Variants in SEC61A1 observed in about 807,000 individuals in gnomAD.
SEC61A1 encodes the protein protein transport protein Sec61 subunit alpha isoform 1.
A neutral mutation model predicts 55.2 loss-of-function variants in SEC61A1; 15 were observed. The ratio of observed to expected loss-of-function variants is 0.27; its 90% confidence interval spans 0.18 to 0.42. SEC61A1 has a LOEUF of 0.42. SEC61A1 is among the 10% of genes least tolerant of loss of function. The pLI, the probability that SEC61A1 is intolerant of heterozygous loss-of-function variation, is 1.00. For missense variants in SEC61A1, 284 were observed against 602.6 expected, an observed-to-expected ratio of 0.47 and a Z score of 5.53; for synonymous variants, 247 against 234.0, an observed-to-expected ratio of 1.06 and a Z score of -0.51.
Position 128,069,911 on chromosome 3 carries a change from T to C in SEC61A1, c.*249T>C. 2.1e-6 allele frequency: 1 copy of C among 471,842 alleles called. No homozygotes were observed. The highest frequency in any genetic ancestry group is 3.8e-6 in the Non-Finnish European group (1 of 264,336). The allele number at this position is 471,842 out of a possible 1,614,324, so 29.2% of individuals were successfully genotyped here. A position where few individuals can be genotyped will look rare whatever the true frequency, so the allele number is the denominator to read the frequency against. ...GACTGCCAGAGAAGTGGGAATGGTA[T>C]AGGATTGTCCCCAAGTGTCCATGTA... On this transcript the variant is annotated 3_prime_UTR_variant, in exon 12 of 12. Transcript: ENST00000243253.
rs1016288181 is a variant in SEC61A1 at position 128,070,928 on chromosome 3, A to G, written c.*1266A>G. ...GCAAGGGCAGCAGAGTTGGGTGCTAAGATCCTGAGGAGCTCGAGGTTTCGA... is the reference window on the plus strand; with the variant it reads ...GCAAGGGCAGCAGAGTTGGGTGCTAGGATCCTGAGGAGCTCGAGGTTTCGA... On this transcript the variant is annotated 3_prime_UTR_variant, in exon 12 of 12. Transcript: ENST00000243253. 2.0e-5 allele frequency: 3 copies of G among 152,294 alleles called. No homozygotes were observed. The highest frequency in any genetic ancestry group is 7.2e-5 in the African/African-American group (3 of 41,466). 9.4% of individuals were successfully genotyped at this position (152,294 alleles called of 1,614,324 possible).
chr3:128,069,677 C>T lies in SEC61A1; in HGVS notation c.*15C>T, dbSNP rs896141039. The T allele has an allele frequency of 5.0e-6, 8 of 1,612,856 alleles. No individual in the cohort carries two copies. Among genetic ancestry groups the T allele is most frequent in the Non-Finnish European group, 5.9e-6 (7 of 1,179,178 alleles). On this transcript the variant is annotated 3_prime_UTR_variant, in exon 12 of 12. Coordinates refer to ENST00000243253, the MANE Select transcript of SEC61A1 (RefSeq NM_013336.4). ...TGCTCTTCTGAGCCCGTCTCCCGGA[C>T]AGGTTGAGGAAGCTGCTCCAGAAGC... is the stretch of plus-strand genomic sequence containing the variant.
In SEC61A1 at chr3:128,052,469, G is replaced by A; in HGVS notation, c.-84G>A. 1 of 1,535,782 alleles carries A rather than the reference G, an allele frequency of 6.5e-7. No individual in the cohort carries two copies. The highest frequency in any genetic ancestry group is 1.2e-5 in the South Asian group (1 of 81,420). On this transcript the variant is annotated 5_prime_UTR_variant, in exon 1 of 12. Transcript: ENST00000243253. The stretch of plus-strand genomic sequence containing the variant: ...CTCTCGGCGGAGCTGCTGTGCAGTG[G>A]AACGCGCTGGGCCGCGGGCAGCGTC...
At chr3:128,057,200 G>A (rs1371486197) in intron 5 of SEC61A1, among the ~76,000 whole-genome samples, 1 of 152,220 alleles carries the variant, frequency 6.6e-6, no homozygotes, top group Admixed American at 6.5e-5. Context: ...CCAAAGTGCT[G>A]GGATTATAGG....
upstream of SEC61A1, chr3:128,051,959 T>C (rs1192528132): frequency 7.0e-7 from 1 of 1,425,550 alleles, no homozygotes; most frequent in South Asian, 1.2e-5. Flanking sequence ...GACGGAGACC[T>C]ACTAGGTGAC....
chr3:128,060,664 A>C lies in SEC61A1; in HGVS notation c.616+3A>C. 2.5e-6 allele frequency: 4 copies of C among 1,613,534 alleles called. No individual in the cohort carries two copies. Among genetic ancestry groups the C allele is most frequent in the Non-Finnish European group, 2.5e-6 (3 of 1,179,576 alleles). ...CACTACTGTCAACACTGGCCGAGGT[A>C]AGGGCCCTGTGCTCCCCTGGTGGCG... On this transcript the variant is annotated splice_donor_region_variant and intron_variant, in intron 7 of 11. Transcript: ENST00000243253.
At chr3:128,060,379 C>A in intron 6 of SEC61A1, 129 bp from the exon 7 acceptor site, 1 of 1,138,532 alleles carries the variant, frequency 8.8e-7, no homozygotes, top group South Asian at 1.5e-5. Context: ...TTACTGACCG[C>A]TCTCTGGGGC....
chr3:128,061,256 A>ATT (rs774060040), intron 7 of SEC61A1, among the ~76,000 whole-genome samples: 1 of 152,212 alleles, frequency 6.6e-6, no homozygotes, highest in Non-Finnish European at 1.5e-5. Flanking sequence ...GCAACATGAA[A>ATT]TTACATGATG....
chr3:128,055,639 A>T (rs780836752), intron 3 of SEC61A1, 34 bp from the exon 4 acceptor site: 1 of 1,605,774 alleles, frequency 6.2e-7, no homozygotes, highest in African/African-American at 1.3e-5. Context: ...TGGAAACAGG[A>T]GTGCTGACTG....
intron 7 of SEC61A1, 26 bp from the exon 8 acceptor site, chr3:128,064,851 A>T (rs1162256856): frequency 2.6e-6 from 4 of 1,561,448 alleles, no homozygotes; most frequent in Non-Finnish European, 3.5e-6. Context: ...TCGTTCCTTC[A>T]TATATGTCTC....
chr3:128,060,718 T>C, intron 7 of SEC61A1, 57 bp downstream of exon 7: 3 of 1,534,376 alleles, frequency 2.0e-6, no homozygotes, highest in East Asian at 4.6e-5. Context: ...AATTGAGCAA[T>C]GCAAAGCAGA....
intron 4 of SEC61A1, among the ~76,000 whole-genome samples, chr3:128,056,273 TG>T (rs34247213): frequency 2.6e-5 from 4 of 152,222 alleles, no homozygotes; most frequent in African/African-American, 9.6e-5. Flanking sequence ...CCAAATCAGT[TG>T]GAAGTGTAGC....
At chr3:128,052,969 A>G in intron 2 of SEC61A1, 67 bp downstream of exon 2, 14 of 1,230,434 alleles carry the variant, frequency 1.1e-5, no homozygotes, top group Admixed American at 1.0e-4. Context: ...AGTTTACAGT[A>G]TGATTAAAAA....
chr3:128,059,522 G>A (rs1366224177), intron 5 of SEC61A1, among the ~76,000 whole-genome samples: 1 of 152,060 alleles, frequency 6.6e-6, no homozygotes, highest in East Asian at 1.9e-4. Context: ...GGTACCTAAG[G>A]GAATGGGAAG....
upstream of SEC61A1, chr3:128,052,011 G>T: frequency 1.1e-6 from 1 of 905,996 alleles, no homozygotes; most frequent in South Asian, 1.4e-5. Context: ...CTGCTCCAGG[G>T]AGCTTACGGT....
At chr3:128,055,892 A>T in intron 4 of SEC61A1, 141 bp downstream of exon 4, 1 of 689,558 alleles carries the variant, frequency 1.5e-6, no homozygotes, top group East Asian at 2.6e-5. Flanking sequence ...TGCTGTGTTG[A>T]ATAGCCTTAT....
intron 8 of SEC61A1, among the ~76,000 whole-genome samples, chr3:128,065,743 T>TTTTC (rs1292928610): frequency 2.1e-5 from 3 of 140,762 alleles, no homozygotes; most frequent in Non-Finnish European, 4.6e-5. Flanking sequence ...TTTTTTTTTT[T>TTTTC]TTTTTTTTTT....
At position 128,069,453 on chromosome 3, in the gene SEC61A1, G is replaced by A. The variant is rs765508683; in HGVS notation, c.1245-23G>A. The A allele has an allele frequency of 1.0e-5, 16 of 1,603,260 alleles. No homozygotes were observed. The South Asian group carries it at 1.7e-4, about 17-fold the overall frequency. ...CGGGGAGCTCTGTGGGTGTCCAGGA[G>A]CTGACTGTGTCCCCTCCCCCAGGTA... On this transcript the variant is annotated intron_variant, in intron 11 of 11. Transcript: ENST00000243253.
At position 128,067,133 on chromosome 3, in the gene SEC61A1, C is replaced by T; in HGVS notation, c.957C>T (p.Ser319=). 6.2e-7 allele frequency: 1 copy of T among 1,614,240 alleles called. No homozygotes were observed. The highest frequency in any genetic ancestry group is 1.3e-5 in the African/African-American group (1 of 75,062). Residue 319 remains serine (S), a synonymous_variant, in exon 9 of 12, where the codon AGC becomes AGT. Coordinates refer to ENST00000243253, the MANE Select transcript of SEC61A1 (RefSeq NM_013336.4). This position sits in a 1 kb window ranked among gnomAD's most constrained non-coding sequence, Gnocchi z 4.1. The stretch of plus-strand genomic sequence containing the variant: ...GCTTCAGTGGCAACTTGCTGGTCAG[C>T]CTGCTGGGCACCTGGTCGGTAAGTA... The part of the protein sequence containing the change: ...SARFSGNLLV[S]LLGTWSDTSS...
Sources: allele counts gnomAD v4.1 joint callset (sites outside exome capture counted in the v4.1 genomes callset), GRCh38; gene constraint gnomAD v4.1.1; non-coding constraint Gnocchi (gnomAD v3.1); transcripts MANE v1.5; gene names NCBI Gene and HGNC (gene_info 2026-07-23, HGNC 2026-07-21).